Variants in GLCCI1 observed in about 807,000 individuals in gnomAD.
GLCCI1 encodes glucocorticoid induced 1, also known as glucocorticoid-induced transcript 1 protein.
Under a neutral mutation model 52.2 loss-of-function variants are expected in GLCCI1, and 24 were observed. That is an observed-to-expected ratio of 0.46 (90% CI 0.33 to 0.65). The LOEUF is 0.65. GLCCI1 is among the 30% of genes least tolerant of loss of function. The pLI, the probability that GLCCI1 is intolerant of heterozygous loss-of-function variation, is 0.02. For missense variants in GLCCI1, 704 were observed against 701.5 expected (o/e 1.00, Z -0.04); for synonymous variants, 310 against 276.5 (o/e 1.12, Z -1.20).
chr7:7,982,620 G>A (rs986540916), intron 1 of GLCCI1, among the ~76,000 whole-genome samples: 1 of 152,018 alleles, frequency 6.6e-6, no homozygotes. Flanking sequence ...TACTTTAGAA[G>A]TCCCCTAAGA....
At chr7:8,056,931 A>T (rs2127959578) in intron 4 of GLCCI1, among the ~76,000 whole-genome samples, 1 of 152,340 alleles carries the variant, frequency 6.6e-6, no homozygotes, top group South Asian at 2.1e-4. Flanking sequence ...ACAGGGCAGT[A>T]AGATAAAGAA....
At chr7:8,060,966 T>C (rs1184313620) in intron 5 of GLCCI1, among the ~76,000 whole-genome samples, 1 of 152,218 alleles carries the variant, frequency 6.6e-6, no homozygotes, top group Non-Finnish European at 1.5e-5. Flanking sequence ...CTCTGCATCC[T>C]CACCAACACT....
rs545837671 is a variant in GLCCI1 at position 8,045,381 on chromosome 7, G to A, written c.697-10052G>A. On this transcript the variant is annotated intron_variant, in intron 3 of 7. Coordinates refer to ENST00000223145, the MANE Select transcript of GLCCI1 (RefSeq NM_138426.4). Reference sequence around the variant, plus strand: ...GTACCCAGAAAAAAGCCATGCAGACGTGGGGAGAGATTGCAAACTCCACAC... The same window carrying A: ...GTACCCAGAAAAAAGCCATGCAGACATGGGGAGAGATTGCAAACTCCACAC... Among the ~76,000 whole-genome samples the A allele has an allele frequency of 3.3e-5, 5 of 152,266 alleles. No homozygotes were observed. In the South Asian group the frequency reaches 8.3e-4, roughly 25 times the overall value.
chr7:8,071,216 T>C, intron 6 of GLCCI1, 85 bp downstream of exon 6: 1 of 1,097,078 alleles, frequency 9.1e-7, no homozygotes, highest in Non-Finnish European at 1.3e-6. Context: ...CTTTTTTTTT[T>C]TCTTTTGTTC....
At chr7:8,013,972 A>T (rs1228119008) in intron 2 of GLCCI1, among the ~76,000 whole-genome samples, 1 of 147,752 alleles carries the variant, frequency 6.8e-6, no homozygotes, top group Non-Finnish European at 1.5e-5. Flanking sequence ...ACTAACAGTT[A>T]TGGTACTGAA....
At chr7:7,993,464 T>C (rs1780883570) in intron 1 of GLCCI1, among the ~76,000 whole-genome samples, 1 of 152,246 alleles carries the variant, frequency 6.6e-6, no homozygotes, top group Non-Finnish European at 1.5e-5. Flanking sequence ...ATAGCCATAT[T>C]GCTCTAGTAT....
chr7:8,060,564 C>G (rs1405438104), intron 5 of GLCCI1, among the ~76,000 whole-genome samples: 1 of 152,212 alleles, frequency 6.6e-6, no homozygotes, highest in East Asian at 1.9e-4. Context: ...CTAGATGTTT[C>G]ATATCAATGG....
chr7:8,022,659 T>C lies in GLCCI1; in HGVS notation c.696+90T>C, dbSNP rs564338374. Reference sequence around the variant, plus strand: ...TGAATGTAATGACACTTTTAAAATTTATCCTAACCTTACCTCTTTCAGTAA... The same window carrying C: ...TGAATGTAATGACACTTTTAAAATTCATCCTAACCTTACCTCTTTCAGTAA... On this transcript the variant is annotated intron_variant, in intron 3 of 7. Coordinates refer to ENST00000223145, the MANE Select transcript of GLCCI1 (RefSeq NM_138426.4). The C allele has an allele frequency of 3.6e-4, 228 of 640,342 alleles. 4 individuals are homozygous for C. In the South Asian group the frequency reaches 6.3e-3, roughly 18 times the overall value. The allele number at this position is 640,342 out of a possible 1,614,324, so 39.7% of individuals were successfully genotyped here.
intron 3 of GLCCI1, among the ~76,000 whole-genome samples, chr7:8,052,320 T>C (rs1782276013): frequency 6.6e-6 from 1 of 152,234 alleles, no homozygotes; most frequent in South Asian, 2.1e-4. Flanking sequence ...TCAGAGTTTC[T>C]AACTATTGAA....
At chr7:8,078,618 GT>G (rs1782924423) in intron 6 of GLCCI1, 1 of 152,174 alleles carries the variant, frequency 6.6e-6, no homozygotes, top group African/African-American at 2.4e-5. Flanking sequence ...TCAGCAGATT[GT>G]TTCATGCCTC....
intron 5 of GLCCI1, among the ~76,000 whole-genome samples, chr7:8,069,416 C>T (rs1782704638): frequency 6.6e-6 from 1 of 152,048 alleles, no homozygotes; most frequent in Non-Finnish European, 1.5e-5. Context: ...AGGGCAGTAC[C>T]ACTGCAGTGG....
intron 6 of GLCCI1, among the ~76,000 whole-genome samples, chr7:8,079,186 C>T (rs999257207): frequency 9.2e-5 from 14 of 151,838 alleles, no homozygotes; most frequent in African/African-American, 3.1e-4. Context: ...TTTTTTTTCC[C>T]CACACGTCAG....
At chr7:8,083,665 T>C (rs1286573441) in intron 6 of GLCCI1, among the ~76,000 whole-genome samples, 1 of 152,102 alleles carries the variant, frequency 6.6e-6, no homozygotes, top group Non-Finnish European at 1.5e-5. Context: ...ATAATAATGA[T>C]AGAGAAACTG....
intron 4 of GLCCI1, among the ~76,000 whole-genome samples, chr7:8,056,187 T>A (rs1782393812): frequency 6.6e-6 from 1 of 151,354 alleles, no homozygotes; most frequent in Admixed American, 6.6e-5. Context: ...TAATCCCAGC[T>A]ATTCGGAGAC....
In GLCCI1 at chr7:8,008,185, G is replaced by A. The variant is rs943714938; in HGVS notation, c.609+4126G>A. ...AGTAGATCACTTGAAGTTGTTTCTTGTAACTGAAATTTTGTGTCCTTTGAC... is the reference window on the plus strand; with the variant it reads ...AGTAGATCACTTGAAGTTGTTTCTTATAACTGAAATTTTGTGTCCTTTGAC... On this transcript the variant is annotated intron_variant, in intron 2 of 7. Transcript: ENST00000223145. 3.3e-4 allele frequency among the ~76,000 whole-genome samples: 50 copies of A among 151,910 alleles called. 1 individual carries two copies. The highest frequency in any genetic ancestry group is 2.9e-3 in the South Asian group (14 of 4,814).
At chr7:8,069,837 A>G (rs542427959) in intron 5 of GLCCI1, among the ~76,000 whole-genome samples, 79 of 152,316 alleles carry the variant, frequency 5.2e-4, no homozygotes, top group African/African-American at 1.8e-3. Flanking sequence ...TGAAATGACA[A>G]TGATCAGAGT....
rs111227749 is a variant in GLCCI1, at chr7:8,014,292, C to T, written c.610-8191C>T. On this transcript the variant is annotated intron_variant, in intron 2 of 7. Transcript: ENST00000223145. ...GATGACAGATGTGAGCCACTGTACC[C>T]GGCTGCCTTGGCCTCTTTCTTGACT... is the stretch of plus-strand genomic sequence containing the variant. 1.5e-4 allele frequency among the ~76,000 whole-genome samples: 23 copies of T among 152,204 alleles called. 1 individual carries two copies. Among genetic ancestry groups the T allele is most frequent in the Admixed American group, 4.6e-4 (7 of 15,288 alleles).
chr7:8,023,588 C>CCTTTTTTTTTTTTTTTTTTTT (rs1781543370), intron 3 of GLCCI1, among the ~76,000 whole-genome samples: 7 of 41,984 alleles, frequency 1.7e-4, no homozygotes, highest in African/African-American at 6.1e-4. Flanking sequence ...CTCTGTTATT[C>CCTTTTTTTTTTTTTTTTTTTT]TTTTTTTTTT....
chr7:8,060,886 A>G (rs1782499829), intron 5 of GLCCI1, among the ~76,000 whole-genome samples: 1 of 152,120 alleles, frequency 6.6e-6, no homozygotes, highest in African/African-American at 2.4e-5. Context: ...CTTTTTGAGG[A>G]ACTGCCAGAC....
Sources: allele counts gnomAD v4.1 joint callset (sites outside exome capture counted in the v4.1 genomes callset), GRCh38; gene constraint gnomAD v4.1.1; transcripts MANE v1.5; gene names NCBI Gene and HGNC (gene_info 2026-07-23, HGNC 2026-07-21).